The following ACOT1 variants were observed in gnomAD, a reference collection of about 807,000 sequenced individuals.
ACOT1 encodes acyl-coenzyme A thioesterase 1.
In ACOT1, 8 loss-of-function variants were observed where a neutral mutation model predicts 15.7. The ratio of observed to expected loss-of-function variants is 0.51; its 90% CI spans 0.30 to 0.92. The LOEUF (loss-of-function observed/expected upper bound fraction) is 0.92, where lower values mean the gene tolerates loss of function less well. Ranked by LOEUF, ACOT1 falls within the 40% of genes least tolerant of loss-of-function variation. ACOT1 has a pLI of 0.06. For missense variants in ACOT1, 151 were observed against 539.4 expected, an observed-to-expected ratio of 0.28 and a Z score of 7.13; for synonymous variants, 67 against 241.2, an observed-to-expected ratio of 0.28 and a Z score of 6.69.
the ACOT1 span, chr14:73,495,232 A>G: frequency 2.2e-5 from 36 of 1,613,058 alleles, no homozygotes; most frequent in East Asian, 2.2e-5. Context: ...ACCTACCCTG[A>G]AAAGTTTCTT....
the ACOT1 span, chr14:73,496,553 T>C: frequency 7.6e-6 from 9 of 1,182,322 alleles, no homozygotes; most frequent in Non-Finnish European, 1.0e-5. Flanking sequence ...TGAGGAACTC[T>C]TGAGAGTCCT....
At chr14:73,524,310 A>AAAAAATATATATATATATATATATATAT in the ACOT1 span, among the ~76,000 whole-genome samples, 2 of 54,780 alleles carry the variant, frequency 3.7e-5, no homozygotes, top group African/African-American at 1.8e-4. Flanking sequence ...AAAAAAAAAA[A>AAAAAATATATATATATATATATATATAT]ATATATATAT....
chr14:73,536,366 T>A (rs1324073436), upstream of ACOT1, among the ~76,000 whole-genome samples: 35 of 108,516 alleles, frequency 3.2e-4, 12 homozygotes, highest in Non-Finnish European at 9.9e-5. Context: ...AAAAGCCCAA[T>A]GCATGGGGAG....
the ACOT1 span, chr14:73,518,992 C>G: frequency 6.3e-7 from 1 of 1,595,998 alleles, no homozygotes; most frequent in Non-Finnish European, 8.5e-7. Flanking sequence ...CCGTTATTAA[C>G]CCCTGCCTTC....
At chr14:73,491,887 C>A in the ACOT1 span, 1 of 1,611,762 alleles carries the variant, frequency 6.2e-7, no homozygotes, top group Non-Finnish European at 8.5e-7. Context: ...GGTCCCTGTA[C>A]CAGGCCGGCT....
upstream of ACOT1, among the ~76,000 whole-genome samples, chr14:73,536,459 G>A (rs1169581652): frequency 3.0e-5 from 3 of 100,386 alleles, 1 homozygote; most frequent in Non-Finnish European, 6.2e-5. Flanking sequence ...TAAGTGCGCA[G>A]TGATGGTAAA....
At chr14:73,517,775 AAAAG>A in the ACOT1 span, among the ~76,000 whole-genome samples, 4,040 of 151,696 alleles carry the variant, frequency 0.027, 186 homozygotes, top group African/African-American at 0.093. Flanking sequence ...AGGAAGGAAA[AAAAG>A]GAAGGGAGGA....
chr14:73,525,814 G>A, the ACOT1 span, among the ~76,000 whole-genome samples: 5 of 152,180 alleles, frequency 3.3e-5, no homozygotes, highest in South Asian at 2.1e-4. Flanking sequence ...TTAGCTGGGC[G>A]TGGTGGTGGG....
chr14:73,515,015 C>T, the ACOT1 span, among the ~76,000 whole-genome samples: 3 of 150,706 alleles, frequency 2.0e-5, no homozygotes, highest in Non-Finnish European at 2.9e-5. Flanking sequence ...TTGCAGTGAG[C>T]TGAGATTGCA....
the ACOT1 span, among the ~76,000 whole-genome samples, chr14:73,527,922 C>A: frequency 2.2e-5 from 3 of 139,020 alleles, no homozygotes; most frequent in Admixed American, 1.5e-4. Flanking sequence ...GAGGTTGCCA[C>A]CGTACTCCAG....
the ACOT1 span, among the ~76,000 whole-genome samples, chr14:73,502,046 ATTTT>A: frequency 7.5e-6 from 1 of 133,942 alleles, no homozygotes. Context: ...CGCCCGGCCA[ATTTT>A]TTTTTTTTTT....
chr14:73,507,189 C>T, the ACOT1 span, among the ~76,000 whole-genome samples: 2 of 152,178 alleles, frequency 1.3e-5, no homozygotes, highest in Admixed American at 1.3e-4. Flanking sequence ...AGTAACTAAA[C>T]ACAAATATAG....
At chr14:73,508,509 G>A in the ACOT1 span, among the ~76,000 whole-genome samples, 15 of 152,088 alleles carry the variant, frequency 9.9e-5, no homozygotes, top group Admixed American at 9.8e-4. Flanking sequence ...CACATTTTGG[G>A]AGGCCAAGGT....
At chr14:73,542,575 T>G (rs183605792) in intron 2 of ACOT1, among the ~76,000 whole-genome samples, 1,238 of 105,856 alleles carry the variant, frequency 0.012, 352 homozygotes, top group Non-Finnish European at 0.02. Flanking sequence ...CTGGCTAATT[T>G]TTGTATTTTT....
the ACOT1 span, chr14:73,522,978 G>A: frequency 1.2e-5 from 19 of 1,614,196 alleles, no homozygotes; most frequent in South Asian, 7.7e-5. Context: ...TGGCTCTTGC[G>A]GTGTAGACGG....
chr14:73,536,307 A>G (rs1423113384), upstream of ACOT1, among the ~76,000 whole-genome samples: 1 of 111,364 alleles, frequency 9.0e-6, no homozygotes, highest in Non-Finnish European at 1.9e-5. Flanking sequence ...GTTTGATGAA[A>G]AAAAAAAACC....
Position 73,537,542 on chromosome 14 carries a change from G to T in ACOT1, c.121G>T (p.Glu41Ter), listed in dbSNP as rs1391042538. Reference sequence around the variant, plus strand: ...CACGCTGCGCGCGTCCCTGCGCGACGAGAAGGGCGCGCTTTTCCAGGCCCA... The same window carrying T: ...CACGCTGCGCGCGTCCCTGCGCGACTAGAAGGGCGCGCTTTTCCAGGCCCA... ...PVTLRASLRD[E>*]KGALFQAHAR... The change falls in exon 1 of 3, where the codon GAG becomes TAG. Residue 41 changes from glutamate to a stop codon, truncating the protein, a stop_gained. Transcript: ENST00000311148. LOFTEE classifies it high-confidence loss of function. 1.5e-5 allele frequency: 18 copies of T among 1,213,018 alleles called. 3 individuals carry two copies. The highest frequency in any genetic ancestry group is 1.9e-5 in the Non-Finnish European group (18 of 923,150). The allele number at this position is 1,213,018 out of a possible 1,614,324, so 75.1% of individuals were successfully genotyped here.
At chr14:73,517,700 A>C in the ACOT1 span, among the ~76,000 whole-genome samples, 1 of 137,932 alleles carries the variant, frequency 7.2e-6, no homozygotes, top group Non-Finnish European at 1.6e-5. Flanking sequence ...AAAGAGAGAG[A>C]GGGAAGGGGA....
the ACOT1 span, chr14:73,491,513 A>G: frequency 1.3e-6 from 2 of 1,513,022 alleles, no homozygotes; most frequent in Non-Finnish European, 1.8e-6. Flanking sequence ...GGCCCCTGCG[A>G]CGGCGTCGGG....
Sources: gnomAD v4.1 joint callset for allele counts (sites outside exome capture counted in the v4.1 genomes callset) on GRCh38, gnomAD v4.1.1 for gene constraint, MANE v1.5 for transcripts, NCBI Gene and HGNC (gene_info 2026-07-23, HGNC 2026-07-21) for gene names.